The following SORBS2 variants were observed in gnomAD, a reference collection of about 807,000 sequenced individuals.
The protein encoded by SORBS2 is sorbin and SH3 domain containing 2, also known as sorbin and SH3 domain-containing protein 2.
In SORBS2, 46 loss-of-function variants were observed where a neutral mutation model predicts 97.7. That is an observed-to-expected ratio of 0.47 (90% confidence interval 0.37 to 0.60). The LOEUF is 0.60. SORBS2 is among the 20% of genes least tolerant of loss of function. The pLI, the probability that SORBS2 is intolerant of heterozygous loss-of-function variation, is 0.00. For synonymous variants in SORBS2, 476 were observed against 473.4 expected (o/e 1.01, Z -0.07); for missense variants, 1,316 against 1,282.3 (o/e 1.03, Z -0.40).
chr4:185,869,651 A>G (rs1007694039), intron 1 of SORBS2, among the ~76,000 whole-genome samples: 2 of 152,242 alleles, frequency 1.3e-5, no homozygotes, highest in African/African-American at 2.4e-5. Flanking sequence ...TCACTTGTGC[A>G]TGTTGTCATT....
intron 1 of SORBS2, among the ~76,000 whole-genome samples, chr4:185,877,036 C>T (rs1468879463): frequency 2.6e-5 from 4 of 152,048 alleles, no homozygotes; most frequent in Admixed American, 2.6e-4. Context: ...GATGATGAGG[C>T]CATAAGTCAG....
At chr4:185,688,605 C>G (rs916389071) in intron 2 of SORBS2, among the ~76,000 whole-genome samples, 17 of 151,546 alleles carry the variant, frequency 1.1e-4, no homozygotes, top group African/African-American at 3.9e-4. Context: ...CTTTATTCAT[C>G]TATCTATCTA....
intron 4 of SORBS2, among the ~76,000 whole-genome samples, chr4:185,632,964 G>A (rs1002517421): frequency 1.3e-5 from 2 of 152,124 alleles, no homozygotes; most frequent in Non-Finnish European, 2.9e-5. Flanking sequence ...ATTGTAAGAA[G>A]TGTACTCATC....
intron 12 of SORBS2, among the ~76,000 whole-genome samples, chr4:185,608,406 C>T (rs10008758): frequency 0.61 from 92,508 of 152,008 alleles, 29,547 homozygotes; most frequent in African/African-American, 0.79. Flanking sequence ...TTGATGCTAA[C>T]GGGAGGGAGG....
chr4:185,726,237 T>C (rs1212533324), intron 2 of SORBS2, among the ~76,000 whole-genome samples: 1 of 152,180 alleles, frequency 6.6e-6, no homozygotes, highest in Non-Finnish European at 1.5e-5. Flanking sequence ...AATAGTCCCC[T>C]ATGAAAACCA....
rs1561902682 is a variant in SORBS2, at chr4:185,684,761, C to T, written c.-197-5939G>A. 1 of 1,550,732 alleles carries T rather than the reference C, an allele frequency of 6.4e-7. No individual in the cohort carries two copies. Among genetic ancestry groups the T allele is most frequent in the Non-Finnish European group, 8.7e-7 (1 of 1,146,100 alleles). On this transcript the variant is annotated intron_variant, in intron 2 of 20. Coordinates refer to the SORBS2 transcript ENST00000284776. The surrounding 1 kb of genome is among the most constrained non-coding windows in gnomAD (Gnocchi z 4.2). ...GAGTTAGTGATATTATACCTGCAGCCAATAGGTTTGGAGAACTTTGCACTC... is the reference window on the plus strand; with the variant it reads ...GAGTTAGTGATATTATACCTGCAGCTAATAGGTTTGGAGAACTTTGCACTC...
At chr4:185,690,698 C>A (rs1033247841) in intron 2 of SORBS2, 87 bp from the exon 4 acceptor site, 4 of 535,496 alleles carry the variant, frequency 7.5e-6, no homozygotes, top group Non-Finnish European at 1.4e-5. Context: ...TTTTGATGTA[C>A]CTGTAAGTTA....
intron 1 of SORBS2, among the ~76,000 whole-genome samples, chr4:185,799,077 C>T (rs112472829): frequency 8.5e-5 from 13 of 152,184 alleles, no homozygotes; most frequent in Middle Eastern, 3.4e-3. Flanking sequence ...GTTACCTTCC[C>T]GAAGTATCCA....
chr4:185,827,954 C>T (rs1399641260), intron 1 of SORBS2, among the ~76,000 whole-genome samples: 1 of 34,760 alleles, frequency 2.9e-5, no homozygotes, highest in Non-Finnish European at 7.9e-5. Flanking sequence ...TCATCATCAT[C>T]GTCACCATCA....
rs2096662708 is a variant in SORBS2 at position 185,618,569 on chromosome 4, T to C, written c.2351+16A>G. ...AAACCACCTTAAATCATATGATGAG[T>C]ATTTATCTTACTTACTTAGATGTCT... On this transcript the variant is annotated intron_variant, in intron 9 of 14. Transcript: ENST00000418609. 6.9e-7 allele frequency: 1 copy of C among 1,442,438 alleles called. No individual in the cohort carries two copies. The highest frequency in any genetic ancestry group is 1.4e-5 in the African/African-American group (1 of 71,960). 89.4% of individuals were successfully genotyped at this position (1,442,438 alleles called of 1,614,324 possible). A position where few individuals can be genotyped will look rare whatever the true frequency, so the allele number is the denominator to read the frequency against.
At chr4:185,775,646 A>C (rs1162366345) in intron 1 of SORBS2, 1 of 152,222 alleles carries the variant, frequency 6.6e-6, no homozygotes, top group Non-Finnish European at 1.5e-5. Flanking sequence ...ACAAACCCAA[A>C]GTTGACTGGA....
chr4:185,801,947 AG>A (rs1025573373), intron 1 of SORBS2, among the ~76,000 whole-genome samples: 1 of 152,208 alleles, frequency 6.6e-6, no homozygotes, highest in African/African-American at 2.4e-5. Flanking sequence ...GAAAGCACTG[AG>A]GGGGTGCCAA....
intron 4 of SORBS2, among the ~76,000 whole-genome samples, chr4:185,668,590 G>C (rs2097657104): frequency 6.6e-6 from 1 of 152,194 alleles, no homozygotes; most frequent in South Asian, 2.1e-4. Context: ...GACCCAAGGG[G>C]AAAGAAAGAC....
chr4:185,777,783 A>G (rs2099007046), intron 1 of SORBS2, among the ~76,000 whole-genome samples: 1 of 142,774 alleles, frequency 7.0e-6, no homozygotes, highest in South Asian at 2.1e-4. Context: ...TGAGGTCTTT[A>G]TACAAAAAAA....
intron 1 of SORBS2, among the ~76,000 whole-genome samples, chr4:185,947,524 T>C (rs1383752131): frequency 6.6e-6 from 1 of 152,170 alleles, no homozygotes; most frequent in Non-Finnish European, 1.5e-5. Flanking sequence ...AACCTTCCAA[T>C]TGCCAGCTCT....
At chr4:185,675,098 T>G (rs1029227258) in intron 4 of SORBS2, 2 of 152,152 alleles carry the variant, frequency 1.3e-5, no homozygotes, top group African/African-American at 2.4e-5. Context: ...AATCTTAACT[T>G]TTAGATGGTG....
chr4:185,769,144 A>G (rs551197070), intron 2 of SORBS2, among the ~76,000 whole-genome samples: 257 of 152,076 alleles, frequency 1.7e-3, no homozygotes, highest in African/African-American at 5.9e-3. Flanking sequence ...GAGACTGGAG[A>G]TGCATTTTGG....
intron 4 of SORBS2, 52 bp downstream of exon 16, chr4:185,635,303 G>C (rs2096976868): frequency 7.6e-7 from 1 of 1,320,322 alleles, no homozygotes; most frequent in Admixed American, 1.8e-5. Flanking sequence ...CAGAATCACA[G>C]TCACAGCCTC....
Position 185,606,686 on chromosome 4 carries a change from C to T in SORBS2, c.2796+5094G>A, listed in dbSNP as rs927222556. 19 of 985,174 alleles carry T rather than the reference C, an allele frequency of 1.9e-5. No individual in the cohort carries two copies. Among genetic ancestry groups the T allele is most frequent in the Non-Finnish European group, 2.3e-5 (19 of 829,918 alleles). 61.0% of individuals were successfully genotyped at this position (985,174 alleles called of 1,614,324 possible). ...AGGCAGTTGGGTTTCTCCTCCTCCT[C>T]CTCCTCTTCAATGTGCAGGTGTGGG... On this transcript the variant is annotated intron_variant, in intron 12 of 14. Coordinates refer to ENST00000418609, the Ensembl canonical transcript of SORBS2. This position sits in a 1 kb window ranked among gnomAD's most constrained non-coding sequence, Gnocchi z 4.3.
Sources: gnomAD v4.1 joint callset for allele counts (sites outside exome capture counted in the v4.1 genomes callset) on GRCh38, gnomAD v4.1.1 for gene constraint, Gnocchi (gnomAD v3.1) non-coding constraint, MANE v1.5 for transcripts, NCBI Gene and HGNC (gene_info 2026-07-23, HGNC 2026-07-21) for gene names.